Variants in ST7L observed in about 807,000 individuals in gnomAD.
ST7L encodes the protein suppressor of tumorigenicity 7 protein-like.
In ST7L, 57 loss-of-function variants were observed where a neutral mutation model predicts 72.5. The observed-to-expected ratio is 0.79, with a 90% CI of 0.64 to 0.98. ST7L has a LOEUF of 0.98. Among genes scored for constraint, ST7L ranks in the 50% least tolerant of loss-of-function variants. The probability of loss-of-function intolerance (pLI) is 0.00; values close to 1 mark genes in which losing one functional copy is unlikely to be tolerated. For synonymous variants in ST7L, 221 were observed against 240.9 expected (o/e 0.92, Z 0.77); for missense variants, 576 against 672.2 (o/e 0.86, Z 1.58).
rs559476978 is a variant in ST7L at position 112,524,678 on chromosome 1, A to C, written c.*1335T>G. ...ACGGGGGTTGGGCATCTTTGAAGCA[A>C]TGTTGGATAACAAGAAAGAGATGCT... On this transcript the variant is annotated 3_prime_UTR_variant, in exon 15 of 15. Transcript: ENST00000358039. The C allele has an allele frequency of 6.6e-6, 1 of 152,480 alleles. No homozygotes were observed. The highest frequency in any genetic ancestry group is 2.1e-4 in the South Asian group (1 of 4,822). The allele number at this position is 152,480 out of a possible 1,614,324, so 9.4% of individuals were successfully genotyped here.
intron 6 of ST7L, among the ~76,000 whole-genome samples, chr1:112,590,005 T>C: frequency 6.6e-6 from 1 of 152,228 alleles, no homozygotes. Context: ...TGTTTGTCCT[T>C]CCTGTTATCC....
chr1:112,567,902 T>C (rs985174355), intron 11 of ST7L, among the ~76,000 whole-genome samples: 1 of 152,176 alleles, frequency 6.6e-6, no homozygotes, highest in Non-Finnish European at 1.5e-5. Flanking sequence ...TTAAAAATCA[T>C]CAATAAAATA....
intron 7 of ST7L, 67 bp from the exon 8 acceptor site, chr1:112,582,539 A>G: frequency 1.1e-6 from 1 of 883,942 alleles, no homozygotes; most frequent in South Asian, 1.8e-5. Context: ...TTTCATTAAC[A>G]TATCCATTAA....
chr1:112,521,311 C>CTTTTTTTTTTTTTTT (rs5777124), downstream of ST7L: 453 of 121,934 alleles, frequency 3.7e-3, no homozygotes, highest in Non-Finnish European at 4.8e-3. Flanking sequence ...CTTGTGTTGC[C>CTTTTTTTTTTTTTTT]TTTTTTTTTT....
chr1:112,584,043 T>G lies in ST7L; in HGVS notation c.785A>C (p.Lys262Thr). Residue 262 changes from lysine to threonine, a missense_variant, in exon 7 of 15, where the codon AAG becomes ACG. By Grantham distance (78) the Lys-to-Thr change is moderately conservative. Coordinates refer to ENST00000358039, the MANE Select transcript of ST7L (RefSeq NM_017744.5). ...DAERLFKQAL[K>T]AGETIYRQSQ... ...CTGCCTATAAATTGTTTCTCCTGCC[T>G]TGAGTGCCTGTTTAAATAACCTTTC... 6.2e-7 allele frequency: 1 copy of G among 1,614,206 alleles called. No individual in the cohort carries two copies. Among genetic ancestry groups the G allele is most frequent in the Non-Finnish European group, 8.5e-7 (1 of 1,180,022 alleles).
chr1:112,520,365 C>T (rs762389931), downstream of ST7L: 11 of 1,613,946 alleles, frequency 6.8e-6, no homozygotes, highest in Middle Eastern at 1.6e-4. Flanking sequence ...GCCGAGGGTA[C>T]GACACAACTC....
At chr1:112,531,624 A>G (rs1211158840) in intron 14 of ST7L, among the ~76,000 whole-genome samples, 1 of 152,206 alleles carries the variant, frequency 6.6e-6, no homozygotes, top group Non-Finnish European at 1.5e-5. Flanking sequence ...GGATGAACTC[A>G]TCTATTGTGG....
chr1:112,616,784 C>T (rs1426191693), intron 2 of ST7L, 29 bp downstream of exon 2: 1 of 1,473,830 alleles, frequency 6.8e-7, no homozygotes, highest in African/African-American at 1.4e-5. Flanking sequence ...AACACCAAAA[C>T]ATGAAGGAAG....
intron 11 of ST7L, among the ~76,000 whole-genome samples, chr1:112,567,563 T>C (rs116717839): frequency 1.9e-4 from 29 of 152,316 alleles, no homozygotes; most frequent in African/African-American, 6.5e-4. Context: ...TGTTTTGGTC[T>C]AGATGTTGTA....
intron 12 of ST7L, among the ~76,000 whole-genome samples, chr1:112,551,372 T>C (rs1658149456): frequency 6.6e-6 from 1 of 151,934 alleles, no homozygotes; most frequent in Non-Finnish European, 1.5e-5. Flanking sequence ...ATGGTCTCGA[T>C]CTCCTGACCT....
At chr1:112,517,921 T>A in the ST7L span, 1 of 155,306 alleles carries the variant, frequency 6.4e-6, no homozygotes, top group Non-Finnish European at 1.4e-5. Flanking sequence ...GGCAATTTCT[T>A]ATCAGAGAGT....
chr1:112,519,435 T>C (rs1652736287), downstream of ST7L, among the ~76,000 whole-genome samples: 1 of 152,196 alleles, frequency 6.6e-6, no homozygotes, highest in African/African-American at 2.4e-5. Context: ...TGGATTCTTA[T>C]TAACCATGGA....
chr1:112,582,120 G>A lies in ST7L; in HGVS notation c.955-14C>T, dbSNP rs374152095. 2.9e-5 allele frequency: 44 copies of A among 1,536,118 alleles called. No individual in the cohort carries two copies. The highest frequency in any genetic ancestry group is 2.5e-4 in the African/African-American group (18 of 73,166). The stretch of plus-strand genomic sequence containing the variant: ...TTCTTTCATCAACTGTATATTAAAA[G>A]GAAAAGAAAGATTAAAATCATAACA... On this transcript the variant is annotated splice_polypyrimidine_tract_variant and intron_variant, in intron 8 of 14. Coordinates refer to ENST00000358039, the MANE Select transcript of ST7L (RefSeq NM_017744.5).
At chr1:112,520,846 G>A (rs903943477), downstream of ST7L, 29 of 293,936 alleles carry the variant, frequency 9.9e-5, no homozygotes, top group Admixed American at 1.1e-3. Flanking sequence ...CCAGCTTCCC[G>A]ATACTTCTTG....
intron 12 of ST7L, among the ~76,000 whole-genome samples, chr1:112,553,824 T>C (rs1050554689): frequency 5.3e-5 from 8 of 152,232 alleles, no homozygotes; most frequent in African/African-American, 1.9e-4. Flanking sequence ...AACTGTGAAC[T>C]GTCTGGAGCT....
chr1:112,556,985 C>CAAAAAAAAAAAAAAAAAAAAAAAAAAAAA (rs1196828305), intron 11 of ST7L, among the ~76,000 whole-genome samples: 1 of 82,114 alleles, frequency 1.2e-5, no homozygotes, highest in Non-Finnish European at 2.3e-5. Context: ...AAAAAAAAAA[C>CAAAAAAAAAAAAAAAAAAAAAAAAAAAAA]AAAAAAAAAA....
downstream of ST7L, chr1:112,520,362 G>T: frequency 6.2e-7 from 1 of 1,614,156 alleles, no homozygotes; most frequent in Non-Finnish European, 8.5e-7. Context: ...GTGGCCGAGG[G>T]TACGACACAA....
chr1:112,573,725 T>C (rs1343419600), intron 11 of ST7L, among the ~76,000 whole-genome samples: 1 of 151,642 alleles, frequency 6.6e-6, no homozygotes, highest in Non-Finnish European at 1.5e-5. Flanking sequence ...GACCACTCTT[T>C]AACTCATTTA....
intron 14 of ST7L, chr1:112,529,314 C>G (rs987637702): frequency 5.3e-5 from 8 of 152,158 alleles, no homozygotes; most frequent in African/African-American, 1.9e-4. Context: ...CATCTTAGTT[C>G]TCTTCCCTCC....
Sources: allele counts gnomAD v4.1 joint callset (sites outside exome capture counted in the v4.1 genomes callset), GRCh38; gene constraint gnomAD v4.1.1; transcripts MANE v1.5; gene names NCBI Gene and HGNC (gene_info 2026-07-23, HGNC 2026-07-21).